The following OR10J1 variants were observed in gnomAD, a reference collection of about 807,000 sequenced individuals.
The protein encoded by OR10J1 is olfactory receptor 10J1.
For missense variants in OR10J1, 474 were observed against 376.6 expected, an observed-to-expected ratio of 1.26 and a Z score of -2.14; for synonymous variants, 202 against 143.8, an observed-to-expected ratio of 1.40 and a Z score of -2.89.
rs1357456366 is a variant in OR10J1, at chr1:159,439,953, T to C, written c.162T>C (p.His54=). The change falls in exon 1 of 1, where the codon CAT becomes CAC. Residue 54 remains histidine (H), a synonymous_variant. Coordinates refer to ENST00000423932, the MANE Select transcript of OR10J1 (RefSeq NM_012351.3). ...IIVTIIRMDL[H]LHTPMYFFLS... ...TGACCATCATCCGAATGGATCTTCA[T>C]CTTCACACACCCATGTACTTCTTCC... is the stretch of plus-strand genomic sequence containing the variant. 7 of 1,614,038 alleles carry C rather than the reference T, an allele frequency of 4.3e-6. No homozygotes were observed. Among genetic ancestry groups the C allele is most frequent in the Non-Finnish European group, 5.9e-6 (7 of 1,180,028 alleles).
At chr1:159,429,697 G>A in the OR10J1 span, among the ~76,000 whole-genome samples, 1 of 152,148 alleles carries the variant, frequency 6.6e-6, no homozygotes, top group Non-Finnish European at 1.5e-5. Context: ...AGAGTCCTAG[G>A]GCACAGGAGA....
At chr1:159,403,224 A>T in the OR10J1 span, among the ~76,000 whole-genome samples, 1 of 152,136 alleles carries the variant, frequency 6.6e-6, no homozygotes, top group East Asian at 1.9e-4. Context: ...TTGAGCAATA[A>T]CCCACAAACA....
At chr1:159,411,922 G>A in the OR10J1 span, among the ~76,000 whole-genome samples, 1 of 152,058 alleles carries the variant, frequency 6.6e-6, no homozygotes, top group Non-Finnish European at 1.5e-5. Flanking sequence ...TGACATGATT[G>A]TATATCTAGA....
the OR10J1 span, among the ~76,000 whole-genome samples, chr1:159,422,601 T>A: frequency 1.3e-5 from 2 of 152,170 alleles, no homozygotes; most frequent in South Asian, 4.1e-4. Flanking sequence ...CAGAAGCTGT[T>A]AAGCCCTAGG....
the OR10J1 span, among the ~76,000 whole-genome samples, chr1:159,413,745 T>C: frequency 2.0e-5 from 3 of 150,932 alleles, no homozygotes; most frequent in South Asian, 4.2e-4. Flanking sequence ...TGCTAAATGA[T>C]GAGTTAATGG....
At chr1:159,407,329 T>A in the OR10J1 span, among the ~76,000 whole-genome samples, 4 of 152,164 alleles carry the variant, frequency 2.6e-5, no homozygotes, top group Non-Finnish European at 5.9e-5. Context: ...ACTATGTAAC[T>A]GTGGGCAAGT....
chr1:159,399,050 A>G, the OR10J1 span, among the ~76,000 whole-genome samples: 2 of 152,124 alleles, frequency 1.3e-5, no homozygotes, highest in African/African-American at 4.8e-5. Context: ...GAGAAAAAAA[A>G]CAAATAACAT....
the OR10J1 span, among the ~76,000 whole-genome samples, chr1:159,409,306 A>G: frequency 3.3e-5 from 5 of 152,068 alleles, no homozygotes; most frequent in African/African-American, 1.2e-4. Flanking sequence ...GGATTTGCAT[A>G]AGGATTCTTT....
the OR10J1 span, among the ~76,000 whole-genome samples, chr1:159,431,702 C>T: frequency 1.3e-5 from 2 of 152,218 alleles, no homozygotes; most frequent in South Asian, 2.1e-4. Context: ...CCTATACAAC[C>T]GTTTGGTTTT....
At chr1:159,419,015 G>A in the OR10J1 span, among the ~76,000 whole-genome samples, 7 of 152,184 alleles carry the variant, frequency 4.6e-5, no homozygotes, top group African/African-American at 1.7e-4. Flanking sequence ...TTTAGAATGA[G>A]TGTATTTACC....
At chr1:159,400,575 A>G in the OR10J1 span, among the ~76,000 whole-genome samples, 103 of 149,870 alleles carry the variant, frequency 6.9e-4, no homozygotes, top group Non-Finnish European at 1.0e-3. Context: ...TATTTATTAC[A>G]TAAAATTTAA....
the OR10J1 span, among the ~76,000 whole-genome samples, chr1:159,417,151 T>C: frequency 6.6e-6 from 1 of 152,190 alleles, no homozygotes; most frequent in Non-Finnish European, 1.5e-5. Context: ...TTGAAGTAAA[T>C]CATTAGATTG....
the OR10J1 span, among the ~76,000 whole-genome samples, chr1:159,424,890 G>A: frequency 6.6e-6 from 1 of 151,932 alleles, no homozygotes; most frequent in African/African-American, 2.4e-5. Context: ...AAGAAAATAA[G>A]AAAGGAACAC....
the OR10J1 span, among the ~76,000 whole-genome samples, chr1:159,405,146 A>T: frequency 6.6e-6 from 1 of 152,120 alleles, no homozygotes; most frequent in Non-Finnish European, 1.5e-5. Flanking sequence ...GACATGAGGA[A>T]AAAAGGTGGA....
the OR10J1 span, among the ~76,000 whole-genome samples, chr1:159,400,212 A>T: frequency 6.6e-6 from 1 of 152,052 alleles, no homozygotes; most frequent in Admixed American, 6.6e-5. Context: ...TAAAAAAAAG[A>T]GTAAGTTCTT....
the OR10J1 span, among the ~76,000 whole-genome samples, chr1:159,400,428 T>C: frequency 6.6e-6 from 1 of 151,542 alleles, no homozygotes; most frequent in Admixed American, 6.6e-5. Context: ...GTCACTATAG[T>C]TATATAAGAC....
At chr1:159,437,639 G>A (rs1359348034), upstream of OR10J1, among the ~76,000 whole-genome samples, 1 of 152,160 alleles carries the variant, frequency 6.6e-6, no homozygotes, top group Non-Finnish European at 1.5e-5. Flanking sequence ...CGCTAGCCTG[G>A]AATTGAGTAA....
rs1175645134 is a variant in OR10J1 at position 159,440,248 on chromosome 1, C to A, written c.457C>A (p.Leu153Met). ...QLVLGACSIG[L>M]IVAITQVTSV... ...TGTCCTGGGGGCCTGCAGCATTGGG[C>A]TGATTGTAGCAATAACGCAAGTGAC... The change falls in exon 1 of 1, where the codon CTG becomes ATG. Residue 153 changes from leucine to methionine, a missense_variant. Leu to Met is a conservative substitution (Grantham distance 15). Transcript: ENST00000423932. 1.2e-6 allele frequency: 2 copies of A among 1,614,144 alleles called. No homozygotes were observed. Among genetic ancestry groups the A allele is most frequent in the Non-Finnish European group, 1.7e-6 (2 of 1,180,006 alleles).
the OR10J1 span, among the ~76,000 whole-genome samples, chr1:159,411,600 A>G: frequency 1.6e-4 from 25 of 152,156 alleles, no homozygotes; most frequent in South Asian, 5.0e-3. Context: ...GTCTCTGCAC[A>G]TGAGATGGGC....
Sources: allele counts gnomAD v4.1 joint callset (sites outside exome capture counted in the v4.1 genomes callset), GRCh38; gene constraint gnomAD v4.1.1; transcripts MANE v1.5; gene names NCBI Gene and HGNC (gene_info 2026-07-23, HGNC 2026-07-21).